Variants in SH2D3A observed in about 807,000 individuals in gnomAD.
The protein encoded by SH2D3A is SH2 domain containing 3A.
A neutral mutation model predicts 50.6 loss-of-function variants in SH2D3A; 46 were observed. The ratio of observed to expected loss-of-function variants is 0.91; its 90% CI spans 0.72 to 1.16. The LOEUF is 1.16. Among genes scored for constraint, SH2D3A ranks in the 50% most tolerant of loss-of-function variants. The pLI is 0.00. For synonymous variants in SH2D3A, 377 were observed against 348.4 expected, an observed-to-expected ratio of 1.08 and a Z score of -0.91; for missense variants, 783 against 786.2, an observed-to-expected ratio of 1.00 and a Z score of 0.05.
intron 8 of SH2D3A, 66 bp downstream of exon 8, chr19:6,753,986 T>TAA: frequency 6.7e-7 from 1 of 1,497,976 alleles, no homozygotes; most frequent in Admixed American, 2.2e-5. Context: ...GGCATAGGAC[T>TAA]AGATTGAGTC....
chr19:6,763,653 G>A lies in SH2D3A; in HGVS notation c.69+27C>T, dbSNP rs368575532. The A allele has an allele frequency of 1.1e-4, 178 of 1,608,238 alleles. No individual in the cohort carries two copies. In the Middle Eastern group the frequency reaches 1.2e-3, roughly 11 times the overall value. On this transcript the variant is annotated intron_variant, in intron 2 of 9. Coordinates refer to ENST00000245908, the MANE Select transcript of SH2D3A (RefSeq NM_005490.3). Reference sequence around the variant, plus strand: ...GGTGGGAGAGGCTCCCCACCAGATGGTGCTGAGGTCCTGCTGTGGGTGGTA... The same window carrying A: ...GGTGGGAGAGGCTCCCCACCAGATGATGCTGAGGTCCTGCTGTGGGTGGTA...
chr19:6,760,203 C>T (rs908042422), intron 3 of SH2D3A, among the ~76,000 whole-genome samples: 11 of 151,114 alleles, frequency 7.3e-5, no homozygotes, highest in South Asian at 4.2e-4. Flanking sequence ...GGTGAAACCC[C>T]GTCTCTACTA....
chr19:6,762,690 T>C (rs570965824), intron 2 of SH2D3A, among the ~76,000 whole-genome samples: 1 of 146,104 alleles, frequency 6.8e-6, no homozygotes. Context: ...GCTTTTTTTT[T>C]TTTTTTTGTG....
intron 2 of SH2D3A, among the ~76,000 whole-genome samples, chr19:6,761,413 A>G (rs1184724610): frequency 6.6e-6 from 1 of 152,172 alleles, no homozygotes; most frequent in Admixed American, 6.6e-5. Flanking sequence ...CTGCTTCTCA[A>G]CCACCTTGGA....
intron 3 of SH2D3A, among the ~76,000 whole-genome samples, 171 bp from the exon 4 acceptor site, chr19:6,759,841 A>G (rs554968579): frequency 2.0e-5 from 3 of 152,200 alleles, no homozygotes; most frequent in African/African-American, 7.2e-5. Context: ...AGTTGTCACA[A>G]CTAGTAGCAT....
At position 6,752,714 on chromosome 19, in the gene SH2D3A, G is replaced by A. The variant is rs1249682979; in HGVS notation, c.1610C>T (p.Thr537Ile). The A allele has an allele frequency of 1.3e-6, 2 of 1,552,474 alleles. No individual in the cohort carries two copies. Among genetic ancestry groups the A allele is most frequent in the Non-Finnish European group, 1.7e-6 (2 of 1,147,588 alleles). Residue 537 changes from threonine (T) to isoleucine (I), a missense_variant, in exon 10 of 10, where the codon ACC becomes ATC. Thr to Ile is a moderately conservative substitution (Grantham distance 89, BLOSUM62 -1). Transcript: ENST00000245908. Reference sequence around the variant, plus strand: ...CCAGAGCAGCCTCCGCACGAAGCCGGTGGTCAGGGCCTCCCTCAGCTCCGG... The same window carrying A: ...CCAGAGCAGCCTCCGCACGAAGCCGATGGTCAGGGCCTCCCTCAGCTCCGG... ...PNPELREALT[T>I]GFVRRLLWGS...
Position 6,754,298 on chromosome 19 carries a change from C to G in SH2D3A, c.1225G>C (p.Asp409His). 1.3e-6 allele frequency: 2 copies of G among 1,574,932 alleles called. No individual in the cohort carries two copies. The highest frequency in any genetic ancestry group is 1.7e-6 in the Non-Finnish European group (2 of 1,167,086). ...ATGACTGCAGCCAGCCCGGGCAGGTCCCCCGCCGCCCCTGGCCGCAGCGCC... is the reference window on the plus strand; with the variant it reads ...ATGACTGCAGCCAGCCCGGGCAGGTGCCCCGCCGCCCCTGGCCGCAGCGCC... ...ALALRPGAAG[D>H]LPGLAAVMGA... The change falls in exon 7 of 10, where the codon GAC (aspartate) becomes CAC (histidine). Residue 409 changes from aspartate (D) to histidine (H), a missense_variant. By Grantham distance (81) the Asp-to-His change is moderately conservative. Transcript: ENST00000245908.
intron 2 of SH2D3A, among the ~76,000 whole-genome samples, chr19:6,761,815 G>A (rs1446491714): frequency 6.6e-6 from 1 of 151,980 alleles, no homozygotes; most frequent in African/African-American, 2.4e-5. Flanking sequence ...TGAGCGTGGT[G>A]GTGTGCACCT....
At chr19:6,766,193 C>T (rs1397920928) in intron 1 of SH2D3A, among the ~76,000 whole-genome samples, 1 of 152,196 alleles carries the variant, frequency 6.6e-6, no homozygotes, top group African/African-American at 2.4e-5. Flanking sequence ...TGTGTCTTTG[C>T]AATGCCTGCG....
At chr19:6,762,561 A>T (rs1369548121) in intron 2 of SH2D3A, among the ~76,000 whole-genome samples, 2 of 134,238 alleles carry the variant, frequency 1.5e-5, no homozygotes, top group South Asian at 2.4e-4. Context: ...GGCTGAGTGC[A>T]GTGGAGCACT....
chr19:6,758,816 A>T (rs1303248359), intron 4 of SH2D3A: 1 of 152,320 alleles, frequency 6.6e-6, no homozygotes, highest in African/African-American at 2.4e-5. Flanking sequence ...ATGGGAAAAA[A>T]GGGGCATGAG....
rs772854992 is a variant in SH2D3A at position 6,763,637 on chromosome 19, G to A, written c.69+43C>T. 10 of 1,575,366 alleles carry A rather than the reference G, an allele frequency of 6.3e-6. No individual in the cohort carries two copies. The East Asian group carries it at 1.8e-4, about 28-fold the overall frequency. ...AGGAATCCTCAGCAAGGGTGGGAGA[G>A]GCTCCCCACCAGATGGTGCTGAGGT... On this transcript the variant is annotated intron_variant, in intron 2 of 9. Coordinates refer to ENST00000245908, the MANE Select transcript of SH2D3A (RefSeq NM_005490.3).
intron 1 of SH2D3A, among the ~76,000 whole-genome samples, chr19:6,765,747 C>CAAAA (rs397945080): frequency 0.016 from 1,035 of 63,154 alleles, 30 homozygotes; most frequent in African/African-American, 0.052. Context: ...GACTCCGTCT[C>CAAAA]AAAAAAAAAA....
Position 6,760,645 on chromosome 19 carries a change from G to C in SH2D3A, c.412C>G (p.Pro138Ala), listed in dbSNP as rs1261428292. ...CAGGGAGACTGTGAGTACCTGAGAG[G>C]CTCTATCCGAGCTGGGCCATCCATC... ...TLMDGPARIE[P>A]LRARKWSNSQ... The change falls in exon 3 of 10, where the codon CCT (proline) becomes GCT (alanine). Residue 138 changes from proline to alanine, a missense_variant. Pro to Ala is a conservative substitution (Grantham distance 27). Coordinates refer to ENST00000245908, the MANE Select transcript of SH2D3A (RefSeq NM_005490.3). 1 of 1,573,458 alleles carries C rather than the reference G, an allele frequency of 6.4e-7. No homozygotes were observed. Among genetic ancestry groups the C allele is most frequent in the East Asian group, 2.3e-5 (1 of 44,306 alleles).
intron 3 of SH2D3A, among the ~76,000 whole-genome samples, chr19:6,760,015 G>A (rs114375946): frequency 0.015 from 2,287 of 152,244 alleles, 60 homozygotes; most frequent in African/African-American, 0.053. Context: ...TGAGGCGGGC[G>A]GTCACGTGAG....
chr19:6,766,201 G>T (rs1413536783), intron 1 of SH2D3A, among the ~76,000 whole-genome samples: 1 of 152,184 alleles, frequency 6.6e-6, no homozygotes, highest in Admixed American at 6.5e-5. Flanking sequence ...TGCAATGCCT[G>T]CGCACTTCCT....
At position 6,755,291 on chromosome 19, in the gene SH2D3A, G is replaced by A. The variant is rs766713615; in HGVS notation, c.521C>T (p.Ala174Val). The change falls in exon 5 of 10, where the codon GCC becomes GTC. Residue 174 changes from alanine to valine, a missense_variant. By Grantham distance (64) the Ala-to-Val change is moderately conservative (BLOSUM62 0). Coordinates refer to ENST00000245908, the MANE Select transcript of SH2D3A (RefSeq NM_005490.3). ...GMEASTMPIS[A>V]LPRTSSDPVL... ...CGGGTCACTGCTCGTTCGGGGCAAGGCAGATATGGGCATGGTGGAGGCTTC... is the reference window on the plus strand; with the variant it reads ...CGGGTCACTGCTCGTTCGGGGCAAGACAGATATGGGCATGGTGGAGGCTTC... 4 of 1,516,544 alleles carry A rather than the reference G, an allele frequency of 2.6e-6. No individual in the cohort carries two copies. The highest frequency in any genetic ancestry group is 3.5e-6 in the Non-Finnish European group (4 of 1,132,596). 93.9% of individuals were successfully genotyped at this position (1,516,544 alleles called of 1,614,324 possible). A position where few individuals can be genotyped will look rare whatever the true frequency, so the allele number is the denominator to read the frequency against.
chr19:6,762,681 CTT>C (rs941083340), intron 2 of SH2D3A, among the ~76,000 whole-genome samples: 7 of 126,744 alleles, frequency 5.5e-5, no homozygotes, highest in Non-Finnish European at 3.5e-5. Flanking sequence ...ATAATTTTCG[CTT>C]TTTTTTTTTT....
intron 4 of SH2D3A, 21 bp from the exon 5 acceptor site, chr19:6,755,336 G>T (rs369039178): frequency 8.2e-6 from 12 of 1,470,568 alleles, no homozygotes; most frequent in Non-Finnish European, 1.1e-5. Flanking sequence ...TACAAGAGGG[G>T]TCAATGGGAA....
Sources: gnomAD v4.1 joint callset for allele counts (sites outside exome capture counted in the v4.1 genomes callset) on GRCh38, gnomAD v4.1.1 for gene constraint, MANE v1.5 for transcripts, NCBI Gene and HGNC (gene_info 2026-07-23, HGNC 2026-07-21) for gene names.